VIPR2: variants seen among roughly 807,000 people sequenced by gnomAD.
VIPR2 encodes the protein vasoactive intestinal peptide receptor 2.
VIPR2 carries 48 observed loss-of-function variants against 58.0 expected under a neutral mutation model. The observed-to-expected ratio is 0.83, with a 90% CI of 0.66 to 1.05. VIPR2 has a LOEUF of 1.05. Among genes scored for constraint, VIPR2 ranks in the 50% least tolerant of loss-of-function variants. The pLI, the probability that VIPR2 is intolerant of heterozygous loss-of-function variation, is 0.00. For missense variants in VIPR2, 534 were observed against 558.0 expected (o/e 0.96, Z 0.43); for synonymous variants, 243 against 235.2 (o/e 1.03, Z -0.30).
chr7:159,080,419 C>A (rs557553530), intron 4 of VIPR2, among the ~76,000 whole-genome samples: 69 of 152,182 alleles, frequency 4.5e-4, no homozygotes, highest in African/African-American at 1.4e-3. Context: ...ATTCAACAAC[C>A]CTTCATGTTA....
chr7:159,073,691 G>T (rs117410606), intron 4 of VIPR2, among the ~76,000 whole-genome samples: 2,044 of 152,224 alleles, frequency 0.013, 28 homozygotes, highest in Admixed American at 0.029. Flanking sequence ...TTACAGGCGT[G>T]AGCCACCGTG....
Position 159,096,750 on chromosome 7 carries a change from G to A in VIPR2, c.357+7007C>T. On this transcript the variant is annotated intron_variant, in intron 4 of 12. Transcript: ENST00000262178. This position sits in a 1 kb window ranked among gnomAD's most constrained non-coding sequence, Gnocchi z 5.5. ...GCCAGGTGACAGCTGAATGATTTCT[G>A]CCTGTGGCCAGATTTCTGCCCCTGC... The A allele has an allele frequency of 7.1e-7, 1 of 1,400,200 alleles. No individual in the cohort carries two copies. Among genetic ancestry groups the A allele is most frequent in the Non-Finnish European group, 9.3e-7 (1 of 1,073,670 alleles). 86.7% of individuals were successfully genotyped at this position (1,400,200 alleles called of 1,614,324 possible).
At position 159,067,169 on chromosome 7, in the gene VIPR2, G is replaced by C. The variant is rs141323509; in HGVS notation, c.358-8591C>G. Among the ~76,000 whole-genome samples, 555 of 152,324 alleles carry C rather than the reference G, an allele frequency of 3.6e-3. 3 individuals are homozygous for C. The highest frequency in any genetic ancestry group is 0.012 in the African/African-American group (518 of 41,564). On this transcript the variant is annotated intron_variant, in intron 4 of 12. Coordinates refer to ENST00000262178, the MANE Select transcript of VIPR2 (RefSeq NM_003382.5). Reference sequence around the variant, plus strand: ...CGTTCCCATCAGCGTAGACAGTTCTGTTGGCACAGAGACCATACGACCACC... The same window carrying C: ...CGTTCCCATCAGCGTAGACAGTTCTCTTGGCACAGAGACCATACGACCACC...
intron 2 of VIPR2, among the ~76,000 whole-genome samples, chr7:159,115,175 G>A (rs920920107): frequency 1.3e-5 from 2 of 152,210 alleles, no homozygotes; most frequent in African/African-American, 4.8e-5. Flanking sequence ...AGTGGAACTT[G>A]GCTGGTAGCC....
chr7:159,135,020 T>TATTTTTTTA (rs1797150843), intron 2 of VIPR2, among the ~76,000 whole-genome samples: 1 of 138,100 alleles, frequency 7.2e-6, no homozygotes, highest in African/African-American at 2.9e-5. Context: ...TTTTTTTTTT[T>TATTTTTTTA]TTTTTTTTTT....
chr7:159,109,669 A>C (rs545578799), intron 3 of VIPR2, 143 bp downstream of exon 3: 1 of 741,160 alleles, frequency 1.3e-6, no homozygotes, highest in Non-Finnish European at 2.3e-6. Flanking sequence ...CACTCACCCC[A>C]ATATGCCACA....
chr7:159,087,804 C>T (rs10257329), intron 4 of VIPR2, among the ~76,000 whole-genome samples: 6 of 140,888 alleles, frequency 4.3e-5, no homozygotes, highest in African/African-American at 1.6e-4. Context: ...TAGTGAGATA[C>T]GGCTTCCCCA....
intron 1 of VIPR2, chr7:159,144,325 C>A (rs1474652962): frequency 7.9e-6 from 12 of 1,524,118 alleles, no homozygotes; most frequent in Non-Finnish European, 9.7e-6. Flanking sequence ...GACCGAGAGG[C>A]ATCTGCGGCC....
chr7:159,116,536 G>C (rs1013854626), intron 2 of VIPR2, among the ~76,000 whole-genome samples: 2 of 152,194 alleles, frequency 1.3e-5, no homozygotes. Flanking sequence ...GACTGGCAGT[G>C]GTGGCTTCCT....
At chr7:159,137,029 T>G (rs1797258564) in intron 2 of VIPR2, among the ~76,000 whole-genome samples, 1 of 152,012 alleles carries the variant, frequency 6.6e-6, no homozygotes, top group Admixed American at 6.5e-5. Context: ...CATCGACTGG[T>G]GGGAGCTTGC....
At chr7:159,136,829 G>C (rs542312968) in intron 2 of VIPR2, among the ~76,000 whole-genome samples, 1 of 152,270 alleles carries the variant, frequency 6.6e-6, no homozygotes, top group South Asian at 2.1e-4. Context: ...AATTGTTACT[G>C]CTGTGGCCAT....
chr7:159,111,350 T>A (rs1366471685), intron 2 of VIPR2, among the ~76,000 whole-genome samples: 1 of 152,224 alleles, frequency 6.6e-6, no homozygotes, highest in Admixed American at 6.5e-5. Context: ...TTTTGAAGGT[T>A]CAGCTTTTTA....
rs11770357 is a variant in VIPR2, at chr7:159,070,951, C to A, written c.358-12373G>T. Among the ~76,000 whole-genome samples, 889 of 152,308 alleles carry A rather than the reference C, an allele frequency of 5.8e-3. 5 individuals are homozygous for A. Among genetic ancestry groups the A allele is most frequent in the Non-Finnish European group, 0.01 (698 of 68,036 alleles). On this transcript the variant is annotated intron_variant, in intron 4 of 12. Transcript: ENST00000262178. Reference sequence around the variant, plus strand: ...ACCTCAGCAGCGTGGCCCAGCAGCACACGAAACGGCACGCCCACAGACTGG... The same window carrying A: ...ACCTCAGCAGCGTGGCCCAGCAGCAAACGAAACGGCACGCCCACAGACTGG...
At chr7:159,044,347 C>A (rs1390192239) in intron 5 of VIPR2, among the ~76,000 whole-genome samples, 3 of 151,964 alleles carry the variant, frequency 2.0e-5, no homozygotes, top group South Asian at 2.1e-4. Flanking sequence ...AATAACAAAT[C>A]CTAGAAGTGG....
Position 159,030,526 on chromosome 7 carries a change from C to A in VIPR2, c.*90G>T, listed in dbSNP as rs1056613565. 2.1e-6 allele frequency: 3 copies of A among 1,440,418 alleles called. No homozygotes were observed. In the Admixed American group the frequency reaches 7.9e-5, roughly 38 times the overall value. 89.2% of individuals were successfully genotyped at this position (1,440,418 alleles called of 1,614,324 possible). On this transcript the variant is annotated 3_prime_UTR_variant, in exon 13 of 13. Coordinates refer to ENST00000262178, the MANE Select transcript of VIPR2 (RefSeq NM_003382.5). ...GCGCTGACCTGCCCGACACGGTGCT[C>A]GGGCATCTGGAAGGAGGAAGCCGGC...
At chr7:159,141,856 CT>C (rs1797480908) in intron 2 of VIPR2, among the ~76,000 whole-genome samples, 2 of 152,186 alleles carry the variant, frequency 1.3e-5, no homozygotes, top group African/African-American at 4.8e-5. Context: ...GGCCTTGCTA[CT>C]ATTTATAGGC....
At chr7:159,100,986 C>G (rs1858179419) in intron 4 of VIPR2, among the ~76,000 whole-genome samples, 1 of 143,484 alleles carries the variant, frequency 7.0e-6, no homozygotes, top group East Asian at 2.1e-4. Context: ...GAACGGGTCT[C>G]ACGAGATCCG....
intron 4 of VIPR2, among the ~76,000 whole-genome samples, chr7:159,060,747 C>A (rs1256587137): frequency 6.6e-6 from 1 of 151,876 alleles, no homozygotes; most frequent in Non-Finnish European, 1.5e-5. Flanking sequence ...CAACTAACCA[C>A]AGCCTGCACC....
At position 159,032,004 on chromosome 7, in the gene VIPR2, G is replaced by C. The variant is rs148662717; in HGVS notation, c.1035C>G (p.Ala345=). ...PLFGVHYMVF[A]VFPISISSKY... ...TGGAGGAGATGCTGATGGGAAACAC[G>C]GCAAACACCATGTAGTGGACGCCGA... is the stretch of plus-strand genomic sequence containing the variant. Residue 345 remains alanine, a synonymous_variant, in exon 11 of 13, where the codon GCC becomes GCG. Transcript: ENST00000262178. 2,330 of 1,614,166 alleles carry C rather than the reference G, an allele frequency of 1.4e-3. 22 individuals carry two copies. In the African/African-American group the frequency reaches 0.025, roughly 17 times the overall value.
Sources: allele counts gnomAD v4.1 joint callset (sites outside exome capture counted in the v4.1 genomes callset), GRCh38; gene constraint gnomAD v4.1.1; non-coding constraint Gnocchi (gnomAD v3.1); transcripts MANE v1.5; gene names NCBI Gene and HGNC (gene_info 2026-07-23, HGNC 2026-07-21).